The following KIR2DL1 variants were observed in gnomAD, a reference collection of about 807,000 sequenced individuals.
KIR2DL1 encodes the protein killer cell immunoglobulin-like receptor 2DL1.
KIR2DL1 carries 38 observed loss-of-function variants against 33.9 expected under a neutral mutation model. That is an observed-to-expected ratio of 1.12 (90% confidence interval 0.86 to 1.47). KIR2DL1 has a LOEUF of 1.47. Among genes scored for constraint, KIR2DL1 ranks in the 40% most tolerant of loss-of-function variants. The pLI, the probability that KIR2DL1 is intolerant of heterozygous loss-of-function variation, is 0.00. For synonymous variants in KIR2DL1, 179 were observed against 165.9 expected (o/e 1.08, Z -0.61); for missense variants, 531 against 433.9 (o/e 1.22, Z -1.99).
chr19:54,770,811 C>A, intron 1 of KIR2DL1, 38 bp from the exon 2 acceptor site: 1 of 1,581,728 alleles, frequency 6.3e-7, no homozygotes, highest in South Asian at 1.1e-5. Flanking sequence ...CCCTGGTTTG[C>A]CTGCAGATGG....
intron 5 of KIR2DL1, among the ~76,000 whole-genome samples, chr19:54,780,675 T>G: frequency 7.0e-6 from 1 of 142,868 alleles, no homozygotes; most frequent in Non-Finnish European, 1.6e-5. Flanking sequence ...ATTTAGACAC[T>G]AAATGAATGA....
At chr19:54,782,896 C>T (rs1178854478) in intron 5 of KIR2DL1, 26 bp from the exon 6 acceptor site, 25 of 1,604,554 alleles carry the variant, frequency 1.6e-5, no homozygotes, top group Non-Finnish European at 2.0e-5. Flanking sequence ...AGATTAGCTT[C>T]TTATTGGTGT....
chr19:54,773,971 C>T (rs530444790), intron 3 of KIR2DL1, among the ~76,000 whole-genome samples: 2,344 of 148,794 alleles, frequency 0.016, 194 homozygotes, highest in African/African-American at 0.053. Context: ...TCTGTTTTAC[C>T]TCCACAAAGT....
At position 54,774,758 on chromosome 19, in the gene KIR2DL1, A is replaced by G. The variant is rs567415501; in HGVS notation, c.371-407A>G. Among the ~76,000 whole-genome samples, 11 of 148,446 alleles carry G rather than the reference A, an allele frequency of 7.4e-5. No homozygotes were observed. In the South Asian group the frequency reaches 2.3e-3, roughly 31 times the overall value. On this transcript the variant is annotated intron_variant, in intron 3 of 7. Transcript: ENST00000336077. ...CAATTGATGGATAAATAGATGATAT[A>G]TAGATATAGATGACAGGTAGAGAAT...
In KIR2DL1 at chr19:54,775,175, G is replaced by C. The variant is rs138997657; in HGVS notation, c.381G>C (p.Glu127Asp). The change falls in exon 4 of 8, where the codon GAG becomes GAC. Residue 127 changes from glutamate (E) to aspartate (D), a missense_variant. By Grantham distance (45) the Glu-to-Asp change is conservative. Coordinates refer to ENST00000336077, the MANE Select transcript of KIR2DL1 (RefSeq NM_014218.3). ...CTCTTCTCCTTCCAGGTCTATATGA[G>C]AAACCTTCTCTCTCAGCCCAGCTGG... ...PLDIVIIGLY[E>D]KPSLSAQLGP... is the part of the protein sequence containing the mutation. 59 of 1,583,912 alleles carry C rather than the reference G, an allele frequency of 3.7e-5. 1 individual carries two copies. The highest frequency in any genetic ancestry group is 1.5e-4 in the African/African-American group (11 of 73,664).
chr19:54,782,453 G>A (rs1361989256), intron 5 of KIR2DL1, among the ~76,000 whole-genome samples: 3 of 151,960 alleles, frequency 2.0e-5, no homozygotes, highest in African/African-American at 4.8e-5. Flanking sequence ...GGGAAGGAGG[G>A]TCTGTCTGTG....
chr19:54,776,825 A>G (rs1269561287), intron 4 of KIR2DL1, among the ~76,000 whole-genome samples: 1 of 145,448 alleles, frequency 6.9e-6, no homozygotes, highest in Non-Finnish European at 1.5e-5. Context: ...TTTTTTTAGT[A>G]TAGATGCGGT....
chr19:54,770,060 G>A (rs2075477951), intron 1 of KIR2DL1, among the ~76,000 whole-genome samples, 176 bp downstream of exon 1: 2 of 137,214 alleles, frequency 1.5e-5, no homozygotes, highest in South Asian at 2.3e-4. Context: ...TGGGCCCAGA[G>A]GTCGAGATAT....
At chr19:54,782,728 G>A (rs904123419) in intron 5 of KIR2DL1, among the ~76,000 whole-genome samples, 194 bp from the exon 6 acceptor site, 6 of 151,954 alleles carry the variant, frequency 3.9e-5, no homozygotes, top group South Asian at 2.1e-4. Context: ...TAAAGTAGTC[G>A]TATCCTCAGC....
intron 5 of KIR2DL1, among the ~76,000 whole-genome samples, chr19:54,782,238 AG>A (rs1479867951): frequency 2.0e-5 from 3 of 151,936 alleles, no homozygotes; most frequent in Admixed American, 2.0e-4. Flanking sequence ...ACAGGAAGAC[AG>A]CCCAGGGTGT....
In KIR2DL1 at chr19:54,770,018, G is replaced by C. The variant is rs1351808701; in HGVS notation, c.34+134G>C. ...GGCCTGGAGTGGATATATGGGCCTA[G>C]AGATGGAGTGATGGGCCTAGAAGTG... On this transcript the variant is annotated intron_variant, in intron 1 of 7. Transcript: ENST00000336077. The C allele has an allele frequency of 7.9e-6, 9 of 1,133,968 alleles. 1 individual carries two copies. The highest frequency in any genetic ancestry group is 1.2e-5 in the Non-Finnish European group (9 of 771,428). The allele number at this position is 1,133,968 out of a possible 1,614,324, so 70.2% of individuals were successfully genotyped here.
chr19:54,776,253 A>G (rs917516624), intron 4 of KIR2DL1, among the ~76,000 whole-genome samples: 3 of 146,630 alleles, frequency 2.0e-5, no homozygotes, highest in African/African-American at 5.0e-5. Flanking sequence ...ATATATATAT[A>G]TACATTTTTT....
In KIR2DL1 at chr19:54,771,886, G is replaced by A. The variant is rs563415278; in HGVS notation, c.70+1002G>A. Among the ~76,000 whole-genome samples, 145 of 147,710 alleles carry A rather than the reference G, an allele frequency of 9.8e-4. No individual in the cohort carries two copies. In the South Asian group the frequency reaches 0.013, roughly 13 times the overall value. On this transcript the variant is annotated intron_variant, in intron 2 of 7. Transcript: ENST00000336077. ...CACCCAGCAACCCCCTGGAGATCAC[G>A]GTCACAGGTCAGAGGGCTCCTGTCT...
rs1389506044 is a variant in KIR2DL1, at chr19:54,784,191, T to A, written c.*378T>A. On this transcript the variant is annotated 3_prime_UTR_variant, in exon 8 of 8. Transcript: ENST00000336077. ...AACGCAGCACTTAGACACGTGTTGT[T>A]CCACCTTCCCTCATGCTGTTCCACC... 2.5e-6 allele frequency: 1 copy of A among 394,288 alleles called. No individual in the cohort carries two copies. Among genetic ancestry groups the A allele is most frequent in the Non-Finnish European group, 4.6e-6 (1 of 216,748 alleles). 24.4% of individuals were successfully genotyped at this position (394,288 alleles called of 1,614,324 possible).
intron 5 of KIR2DL1, among the ~76,000 whole-genome samples, chr19:54,779,239 G>T (rs2076699959): frequency 6.7e-6 from 1 of 148,474 alleles, no homozygotes; most frequent in African/African-American, 2.5e-5. Flanking sequence ...ATTCGTGGGT[G>T]AAAACAAAAC....
chr19:54,781,231 G>A lies in KIR2DL1; in HGVS notation c.716-1691G>A, dbSNP rs1476953812. On this transcript the variant is annotated intron_variant, in intron 5 of 7. Transcript: ENST00000336077. ...TAATAAAACACACACGAATGACAAA[G>A]GCACCTGAATTCCAATCATCGTTTT... Among the ~76,000 whole-genome samples, 62 of 132,278 alleles carry A rather than the reference G, an allele frequency of 4.7e-4. 3 individuals are homozygous for A. The highest frequency in any genetic ancestry group is 1.7e-3 in the African/African-American group (59 of 35,110). The allele number at this position is 132,278 out of a possible 152,430, so 86.8% of individuals were successfully genotyped here. A position where few individuals can be genotyped will look rare whatever the true frequency, so the allele number is the denominator to read the frequency against.
chr19:54,772,836 G>C (rs1162670021), intron 2 of KIR2DL1, among the ~76,000 whole-genome samples: 1 of 145,202 alleles, frequency 6.9e-6, no homozygotes, highest in South Asian at 2.2e-4. Flanking sequence ...CCTCCAACCA[G>C]CACCAGGAGC....
intron 5 of KIR2DL1, among the ~76,000 whole-genome samples, chr19:54,779,560 T>A (rs1175573445): frequency 2.7e-5 from 4 of 146,548 alleles, no homozygotes; most frequent in African/African-American, 1.0e-4. Context: ...TCTATTGGGT[T>A]CACCAAGATG....
intron 1 of KIR2DL1, among the ~76,000 whole-genome samples, chr19:54,770,407 G>A (rs1238946530): frequency 1.4e-5 from 2 of 142,004 alleles, no homozygotes; most frequent in Non-Finnish European, 3.1e-5. Context: ...ATGTGCCTAG[G>A]ATGGAGATAC....
Sources: gnomAD v4.1 joint callset for allele counts (sites outside exome capture counted in the v4.1 genomes callset) on GRCh38, gnomAD v4.1.1 for gene constraint, MANE v1.5 for transcripts, NCBI Gene and HGNC (gene_info 2026-07-23, HGNC 2026-07-21) for gene names.